Variants in EYS observed in about 807,000 individuals in gnomAD.
The protein encoded by EYS is protein eyes shut homolog.
Under a neutral mutation model 282.1 loss-of-function variants are expected in EYS, and 250 were observed. The observed-to-expected ratio is 0.89, with a 90% CI of 0.80 to 0.98. The LOEUF is 0.98. Among genes scored for constraint, EYS ranks in the 50% least tolerant of loss-of-function variants. The pLI, the probability that EYS is intolerant of heterozygous loss-of-function variation, is 0.00. For synonymous variants in EYS, 1,355 were observed against 1,282.9 expected (o/e 1.06, Z -1.20); for missense variants, 4,016 against 3,709.0 (o/e 1.08, Z -2.15).
In EYS at chr6:63,788,205, C is replaced by T; in HGVS notation, c.7623G>A (p.Leu2541=). ...KNKSIIAPGR[L]VGLNVFSQFY... is the part of the protein sequence containing the mutation. ...ACTGACTGAAGACATTGAGACCAAC[C>T]AGTCTTCCTGGGGCGATAATGGATT... is the stretch of plus-strand genomic sequence containing the variant. Residue 2541 remains leucine, a synonymous_variant, in exon 39 of 43, where the codon CTG becomes CTA. Coordinates refer to ENST00000503581, the MANE Select transcript of EYS (RefSeq NM_001142800.2). 6.5e-7 allele frequency: 1 copy of T among 1,546,812 alleles called. No homozygotes were observed. The highest frequency in any genetic ancestry group is 8.7e-7 in the Non-Finnish European group (1 of 1,144,932).
chr6:64,411,851 C>T (rs1239836615), intron 28 of EYS, among the ~76,000 whole-genome samples: 1 of 89,260 alleles, frequency 1.1e-5, no homozygotes, highest in East Asian at 5.1e-4. Flanking sequence ...TATATGTTTG[C>T]ATATATGTAT....
At chr6:64,219,715 T>C (rs751399589) in intron 31 of EYS, among the ~76,000 whole-genome samples, 8 of 152,226 alleles carry the variant, frequency 5.3e-5, no homozygotes, top group Non-Finnish European at 1.0e-4. Context: ...GACTTTTGAA[T>C]GATCGCCATT....
At chr6:65,581,915 C>T (rs9294644) in intron 2 of EYS, among the ~76,000 whole-genome samples, 2,424 of 151,876 alleles carry the variant, frequency 0.016, 69 homozygotes, top group African/African-American at 0.056. Context: ...CTTGGCTGGG[C>T]ATGGTGGCTC....
At chr6:64,350,774 CCCCATG>C (rs1771599103) in intron 29 of EYS, among the ~76,000 whole-genome samples, 1 of 151,524 alleles carries the variant, frequency 6.6e-6, no homozygotes, top group South Asian at 2.1e-4. Flanking sequence ...GGCTCTGTGT[CCCCATG>C]CAAGTCTCAT....
At position 65,152,335 on chromosome 6, in the gene EYS, T is replaced by C. The variant is rs185364982; in HGVS notation, c.2024-94608A>G. On this transcript the variant is annotated intron_variant, in intron 12 of 42. Coordinates refer to ENST00000503581, the MANE Select transcript of EYS (RefSeq NM_001142800.2). Reference sequence around the variant, plus strand: ...GTCCACCACCCTAAAGATCCCAGTGTTGAAGCTCTAACCCCTAGTACCTCA... The same window carrying C: ...GTCCACCACCCTAAAGATCCCAGTGCTGAAGCTCTAACCCCTAGTACCTCA... 1.2e-3 allele frequency among the ~76,000 whole-genome samples: 188 copies of C among 152,072 alleles called. 2 individuals are homozygous for C. The highest frequency in any genetic ancestry group is 4.3e-3 in the African/African-American group (177 of 41,522).
intron 12 of EYS, among the ~76,000 whole-genome samples, chr6:65,249,877 C>CA (rs1441073990): frequency 2.6e-5 from 4 of 151,788 alleles, no homozygotes; most frequent in Non-Finnish European, 5.9e-5. Context: ...GGTACTGCAG[C>CA]AAAAAAGGTT....
At chr6:64,928,696 T>C (rs534467079) in intron 15 of EYS, among the ~76,000 whole-genome samples, 227 of 152,232 alleles carry the variant, frequency 1.5e-3, no homozygotes, top group Non-Finnish European at 2.6e-3. Context: ...TTAGATATAG[T>C]ACTTTTTAAA....
intron 36 of EYS, among the ~76,000 whole-genome samples, chr6:63,828,700 G>GA (rs1771540534): frequency 6.6e-6 from 1 of 152,056 alleles, no homozygotes; most frequent in African/African-American, 2.4e-5. Context: ...ACAAACATCT[G>GA]AAAAAATGCT....
intron 33 of EYS, among the ~76,000 whole-genome samples, chr6:64,020,196 A>C (rs1769121673): frequency 6.6e-6 from 1 of 152,180 alleles, no homozygotes; most frequent in Admixed American, 6.5e-5. Flanking sequence ...GCATTTTTCA[A>C]AATAGCTAGA....
chr6:64,996,567 T>G (rs951553364), intron 14 of EYS, among the ~76,000 whole-genome samples: 2 of 152,114 alleles, frequency 1.3e-5, no homozygotes, highest in African/African-American at 4.8e-5. Context: ...AGATAAAGCA[T>G]GAGACATGGA....
chr6:64,137,327 G>A (rs1316302582), intron 31 of EYS, among the ~76,000 whole-genome samples: 1 of 152,124 alleles, frequency 6.6e-6, no homozygotes, highest in African/African-American at 2.4e-5. Context: ...TATTTCACTT[G>A]CTTATCATTG....
chr6:65,530,743 A>G (rs1368367959), intron 2 of EYS, among the ~76,000 whole-genome samples: 2 of 152,288 alleles, frequency 1.3e-5, no homozygotes, highest in South Asian at 2.1e-4. Flanking sequence ...ATGTGGAAAG[A>G]CAACATATAT....
intron 36 of EYS, among the ~76,000 whole-genome samples, chr6:63,849,691 AAGGT>A (rs1217307938): frequency 6.6e-6 from 1 of 152,212 alleles, no homozygotes; most frequent in Non-Finnish European, 1.5e-5. Flanking sequence ...TCAAAGATCA[AAGGT>A]AGATAAACCC....
chr6:64,080,321 A>AT (rs1471438008), intron 32 of EYS, among the ~76,000 whole-genome samples: 3 of 152,080 alleles, frequency 2.0e-5, no homozygotes, highest in African/African-American at 7.2e-5. Flanking sequence ...GATGATGAGC[A>AT]TTTTTTCATG....
At chr6:65,131,749 T>A (rs1775885358) in intron 12 of EYS, among the ~76,000 whole-genome samples, 1 of 149,460 alleles carries the variant, frequency 6.7e-6, no homozygotes, top group African/African-American at 2.5e-5. Context: ...GGAAATGGAG[T>A]CATAAAACAA....
At chr6:63,842,551 G>T (rs973203010) in intron 36 of EYS, among the ~76,000 whole-genome samples, 1 of 152,130 alleles carries the variant, frequency 6.6e-6, no homozygotes, top group Admixed American at 6.6e-5. Flanking sequence ...CTCCCATTCT[G>T]TATGTTGCCT....
chr6:64,609,358 T>C (rs1199899331), intron 24 of EYS, among the ~76,000 whole-genome samples: 1 of 152,128 alleles, frequency 6.6e-6, no homozygotes. Flanking sequence ...ATCATTCTAG[T>C]TAAAGTGTAG....
chr6:64,226,463 T>A (rs1050312281), intron 31 of EYS, among the ~76,000 whole-genome samples: 1 of 152,204 alleles, frequency 6.6e-6, no homozygotes, highest in East Asian at 1.9e-4. Flanking sequence ...TGGGCCTGTT[T>A]AAAAATGTTA....
intron 31 of EYS, among the ~76,000 whole-genome samples, chr6:64,131,519 C>T (rs2150281973): frequency 6.6e-6 from 1 of 152,058 alleles, no homozygotes; most frequent in South Asian, 2.1e-4. Flanking sequence ...CAGTATAGAC[C>T]ATGTGACTTG....
Sources: allele counts gnomAD v4.1 joint callset (sites outside exome capture counted in the v4.1 genomes callset), GRCh38; gene constraint gnomAD v4.1.1; transcripts MANE v1.5; gene names NCBI Gene and HGNC (gene_info 2026-07-23, HGNC 2026-07-21).